ROBO4: variants seen among roughly 807,000 people sequenced by gnomAD.
ROBO4 encodes the protein roundabout guidance receptor 4, also known as roundabout homolog 4.
In ROBO4, 80 loss-of-function variants were observed where a neutral mutation model predicts 103.3. The observed-to-expected ratio is 0.77, with a 90% CI of 0.65 to 0.93. ROBO4 has a LOEUF of 0.93. ROBO4 is among the 40% of genes least tolerant of loss of function. The probability of loss-of-function intolerance (pLI) is 0.00; values close to 1 mark genes in which losing one functional copy is unlikely to be tolerated. For missense variants in ROBO4, 1,333 were observed against 1,305.3 expected (o/e 1.02, Z -0.33); for synonymous variants, 504 against 529.7 (o/e 0.95, Z 0.67).
chr11:124,887,245 G>A (rs1163537963), intron 14 of ROBO4, 32 bp from the exon 15 acceptor site: 1 of 1,587,366 alleles, frequency 6.3e-7, no homozygotes, highest in Non-Finnish European at 8.6e-7. Context: ...TGGCACCGTA[G>A]TTACTACAGC....
At chr11:124,891,165 C>A in intron 12 of ROBO4, 134 bp downstream of exon 12, 2 of 1,119,432 alleles carry the variant, frequency 1.8e-6, no homozygotes, top group Non-Finnish European at 2.4e-6. Context: ...CTTGTGTCCA[C>A]CTGGAGAGGA....
At chr11:124,888,267 C>G (rs1371610053) in intron 12 of ROBO4, among the ~76,000 whole-genome samples, 1 of 152,272 alleles carries the variant, frequency 6.6e-6, no homozygotes, top group African/African-American at 2.4e-5. Flanking sequence ...TTGCTACTCT[C>G]ATGAATTTTG....
intron 12 of ROBO4, among the ~76,000 whole-genome samples, chr11:124,888,463 A>T (rs1485240842): frequency 6.6e-6 from 1 of 152,234 alleles, no homozygotes; most frequent in Non-Finnish European, 1.5e-5. Context: ...GGATCGACAC[A>T]CAATGTTGGC....
At chr11:124,895,008 G>A (rs1565326795) in intron 7 of ROBO4, 73 bp downstream of exon 7, 1 of 1,144,954 alleles carries the variant, frequency 8.7e-7, no homozygotes, top group Admixed American at 1.8e-5. Context: ...CCCAGAGCAA[G>A]GGTATGCAGA....
rs756867649 is a variant in ROBO4 at position 124,886,830 on chromosome 11, G to A, written c.2436-8C>T. ...ATGGGAGAGACGCTGTTCCTAGGGAGAGGCAAAAGGGGAGACAGCAATGGT... is the reference window on the plus strand; with the variant it reads ...ATGGGAGAGACGCTGTTCCTAGGGAAAGGCAAAAGGGGAGACAGCAATGGT... On this transcript the variant is annotated splice_region_variant and splice_polypyrimidine_tract_variant and intron_variant, in intron 15 of 17. Coordinates refer to ENST00000306534, the MANE Select transcript of ROBO4 (RefSeq NM_019055.6). 7.2e-6 allele frequency: 11 copies of A among 1,529,118 alleles called. No individual in the cohort carries two copies. The highest frequency in any genetic ancestry group is 4.1e-5 in the African/African-American group (3 of 72,310). The allele number at this position is 1,529,118 out of a possible 1,614,324, so 94.7% of individuals were successfully genotyped here. A position where few individuals can be genotyped will look rare whatever the true frequency, so the allele number is the denominator to read the frequency against.
rs368415930 is a variant in ROBO4 at position 124,896,615 on chromosome 11, C to T, written c.456G>A (p.Glu152=). The change falls in exon 3 of 18, where the codon GAG becomes GAA. Residue 152 remains glutamate (E), a synonymous_variant. Coordinates refer to ENST00000306534, the MANE Select transcript of ROBO4 (RefSeq NM_019055.6). ...GCGGCCCACATTCCAGAGTAAACTGCTCACCCACCACAGCCACCATGTCCC... is the reference window on the plus strand; with the variant it reads ...GCGGCCCACATTCCAGAGTAAACTGTTCACCCACCACAGCCACCATGTCCC... ...QPRDMVAVVG[E]QFTLECGPPW... is the part of the protein sequence containing the mutation. 1.9e-6 allele frequency: 3 copies of T among 1,614,042 alleles called. No individual in the cohort carries two copies. The highest frequency in any genetic ancestry group is 2.5e-6 in the Non-Finnish European group (3 of 1,180,008).
Position 124,885,257 on chromosome 11 carries a change from A to T in ROBO4, c.2795-10T>A. 1 of 1,605,410 alleles carries T rather than the reference A, an allele frequency of 6.2e-7. No homozygotes were observed. Among genetic ancestry groups the T allele is most frequent in the East Asian group, 2.2e-5 (1 of 44,808 alleles). On this transcript the variant is annotated splice_polypyrimidine_tract_variant and intron_variant, in intron 16 of 17. Transcript: ENST00000306534. The stretch of plus-strand genomic sequence containing the variant: ...GGAGGTGATGAGGCATCTGTCAGGG[A>T]GGGTAGAGGTGTCTGTGGGAGGTTG...
Position 124,891,687 on chromosome 11 carries a change from G to A in ROBO4, c.1663C>T (p.Pro555Ser), listed in dbSNP as rs760325971. 5.7e-5 allele frequency: 92 copies of A among 1,614,198 alleles called. No homozygotes were observed. Among genetic ancestry groups the A allele is most frequent in the Non-Finnish European group, 7.5e-5 (88 of 1,180,042 alleles). ...TCACAGGAGCGACGACAGTCTAGTGGGTCCCGGGCATCCGCCCCCAGCCGA... is the reference window on the plus strand; with the variant it reads ...TCACAGGAGCGACGACAGTCTAGTGAGTCCCGGGCATCCGCCCCCAGCCGA... ...SSRLGADARDPLDCRRSLLSW... is the reference protein window; with the variant it reads ...SSRLGADARDSLDCRRSLLSW... Residue 555 changes from proline (P) to serine (S), a missense_variant, in exon 11 of 18, where the codon CCA (proline) becomes TCA (serine). Coordinates refer to ENST00000306534, the MANE Select transcript of ROBO4 (RefSeq NM_019055.6).
chr11:124,890,896 A>T (rs145758643), intron 12 of ROBO4, among the ~76,000 whole-genome samples: 33 of 152,342 alleles, frequency 2.2e-4, no homozygotes, highest in African/African-American at 7.0e-4. Context: ...ACATTCCCCC[A>T]GGCTCTAGCA....
rs577315573 is a variant in ROBO4 at position 124,896,788 on chromosome 11, G to A, written c.401-118C>T. ...TGGCCTCCCATTTAGGGCCAGCCCCGCCCCAGCTTGCCCTCCCAAGCCTTC... is the reference window on the plus strand; with the variant it reads ...TGGCCTCCCATTTAGGGCCAGCCCCACCCCAGCTTGCCCTCCCAAGCCTTC... On this transcript the variant is annotated intron_variant, in intron 2 of 17. Transcript: ENST00000306534. 9.7e-5 allele frequency: 147 copies of A among 1,508,456 alleles called. 4 individuals carry two copies. In the South Asian group the frequency reaches 1.3e-3, roughly 13 times the overall value. 93.4% of individuals were successfully genotyped at this position (1,508,456 alleles called of 1,614,324 possible).
chr11:124,896,126 C>A, intron 4 of ROBO4, 72 bp downstream of exon 4: 1 of 1,585,480 alleles, frequency 6.3e-7, no homozygotes, highest in Non-Finnish European at 8.6e-7. Context: ...TTAACCCCAG[C>A]CCAAACCAGA....
intron 12 of ROBO4, among the ~76,000 whole-genome samples, chr11:124,889,076 A>G (rs769337679): frequency 1.3e-5 from 2 of 152,228 alleles, no homozygotes; most frequent in Non-Finnish European, 2.9e-5. Flanking sequence ...GCATTGACCA[A>G]GACCCCATTT....
chr11:124,891,967 C>T (rs1214742027), intron 10 of ROBO4, 165 bp from the exon 11 acceptor site: 2 of 839,440 alleles, frequency 2.4e-6, no homozygotes, highest in African/African-American at 1.7e-5. Flanking sequence ...GATCTCTGAC[C>T]TGGTCCCCTA....
chr11:124,893,990 C>T lies in ROBO4; in HGVS notation c.1374G>A (p.Leu458=), dbSNP rs935019954. ...QEPSEHGPWT[L]EQLRATLKRP... is the part of the protein sequence containing the mutation. The stretch of plus-strand genomic sequence containing the variant: ...GCTTCAAGGTAGCCCTCAGCTGCTC[C>T]AGGGTCCAGGGACCATGCTCACTGG... Residue 458 remains leucine, a synonymous_variant, in exon 9 of 18, where the codon CTG becomes CTA. Coordinates refer to ENST00000306534, the MANE Select transcript of ROBO4 (RefSeq NM_019055.6). 14 of 1,585,332 alleles carry T rather than the reference C, an allele frequency of 8.8e-6. No homozygotes were observed. The highest frequency in any genetic ancestry group is 1.2e-5 in the South Asian group (1 of 84,690).
chr11:124,896,513 T>G lies in ROBO4; in HGVS notation c.558A>C (p.Thr186=). 2.5e-6 allele frequency: 4 copies of G among 1,613,752 alleles called. No homozygotes were observed. The highest frequency in any genetic ancestry group is 1.1e-5 in the South Asian group (1 of 91,052). ...GTGTGGGGGAGGGGGCCACACTTAC[T>G]GTGTGCCTTCCGGGCTGGAGGGCCA... ...KPLALQPGRH[T]VSGGSLLMAR... Residue 186 remains threonine, a splice_region_variant and synonymous_variant, in exon 3 of 18, where the codon ACA becomes ACC. Transcript: ENST00000306534.
rs558772420 is a variant in ROBO4 at position 124,895,054 on chromosome 11, A to G, written c.1149+27T>C. The G allele has an allele frequency of 4.4e-4, 651 of 1,494,878 alleles. 9 individuals carry two copies. The South Asian group carries it at 7.0e-3, about 16-fold the overall frequency. 92.6% of individuals were successfully genotyped at this position (1,494,878 alleles called of 1,614,324 possible). On this transcript the variant is annotated intron_variant, in intron 7 of 17. Coordinates refer to ENST00000306534, the MANE Select transcript of ROBO4 (RefSeq NM_019055.6). ...AAAGAGATGTCCTGGCAGCAGTAGGAAGGGCTATGACAGCTAGTGGGGGTA... is the reference window on the plus strand; with the variant it reads ...AAAGAGATGTCCTGGCAGCAGTAGGGAGGGCTATGACAGCTAGTGGGGGTA...
intron 4 of ROBO4, 74 bp from the exon 5 acceptor site, chr11:124,895,986 C>A: frequency 6.3e-7 from 1 of 1,590,604 alleles, no homozygotes. Context: ...CATCCCTCAG[C>A]CAGGGAGGAA....
chr11:124,896,213 G>A lies in ROBO4; in HGVS notation c.664C>T (p.Arg222Trp), dbSNP rs750636735. Residue 222 changes from arginine (R) to tryptophan (W), a missense_variant, in exon 4 of 18, where the codon CGG (arginine) becomes TGG (tryptophan). Arg to Trp is a moderately radical substitution (Grantham distance 101). Coordinates refer to ENST00000306534, the MANE Select transcript of ROBO4 (RefSeq NM_019055.6). ...SAGHRESRAA[R>W]VSIQEPQDYT... Reference sequence around the variant, plus strand: ...CTGCCCTTACCCTGGATGGAAACCCGGGCTGCGCGGCTCTCCCTATGTCCT... The same window carrying A: ...CTGCCCTTACCCTGGATGGAAACCCAGGCTGCGCGGCTCTCCCTATGTCCT... The A allele has an allele frequency of 1.5e-5, 25 of 1,613,864 alleles. No individual in the cohort carries two copies. The highest frequency in any genetic ancestry group is 1.2e-4 in the Admixed American group (7 of 59,994).
chr11:124,895,832 G>A lies in ROBO4; in HGVS notation c.760C>T (p.Pro254Ser), dbSNP rs766292800. 3 of 1,614,032 alleles carry A rather than the reference G, an allele frequency of 1.9e-6. No individual in the cohort carries two copies. The highest frequency in any genetic ancestry group is 2.2e-5 in the South Asian group (2 of 91,086). ...GGTCTAGGCTTGGGGCCCTCTGCAG[G>A]ATCCGGGTTCAGCAGTGTCACATTT... Reference protein sequence around the residue: ...LENVTLLNPDPAEGPKPRPAV... With the variant: ...LENVTLLNPDSAEGPKPRPAV... Residue 254 changes from proline to serine, a missense_variant, in exon 5 of 18, where the codon CCT becomes TCT. By Grantham distance (74) the Pro-to-Ser change is moderately conservative (BLOSUM62 -1). Transcript: ENST00000306534.
Sources: allele counts gnomAD v4.1 joint callset (sites outside exome capture counted in the v4.1 genomes callset), GRCh38; gene constraint gnomAD v4.1.1; transcripts MANE v1.5; gene names NCBI Gene and HGNC (gene_info 2026-07-23, HGNC 2026-07-21).